Variants in ARSF observed in about 807,000 individuals in gnomAD.
ARSF encodes arylsulfatase F.
Under a neutral mutation model 35.4 loss-of-function variants are expected in ARSF, and 33 were observed. The observed-to-expected ratio is 0.93, with a 90% confidence interval of 0.71 to 1.25. The LOEUF (loss-of-function observed/expected upper bound fraction) is 1.25. Among genes scored for constraint, ARSF ranks in the 50% most tolerant of loss-of-function variants. ARSF has a pLI of 0.00. For missense variants in ARSF, 501 were observed against 480.2 expected (o/e 1.04, Z -0.40); for synonymous variants, 222 against 193.1 (o/e 1.15, Z -1.24).
At chrX:3,106,121 A>G (rs2090409531) in intron 9 of ARSF, among the ~76,000 whole-genome samples, 2 of 112,192 alleles carry the variant, frequency 1.8e-5, no homozygotes, top group African/African-American at 6.5e-5. Flanking sequence ...GATAAGATGT[A>G]TAGTACAGCT....
chrX:3,111,664 C>T (rs1333596268), intron 10 of ARSF, among the ~76,000 whole-genome samples: 1 of 110,456 alleles, frequency 9.1e-6, no homozygotes, highest in Non-Finnish European at 1.9e-5. Context: ...GATTCAAATG[C>T]ATGACATTTA....
At chrX:3,063,028 T>G (rs994115565) in intron 1 of ARSF, among the ~76,000 whole-genome samples, 2 of 111,987 alleles carry the variant, frequency 1.8e-5, no homozygotes, top group African/African-American at 6.5e-5. Context: ...TCAATATCCC[T>G]GATGAACATC....
At position 3,060,009 on chromosome X, in the gene ARSF, T is replaced by C. The variant is rs745579295; in HGVS notation, c.-28-8064T>C. On this transcript the variant is annotated intron_variant, in intron 1 of 10. Coordinates refer to ENST00000381127, the MANE Select transcript of ARSF (RefSeq NM_001201539.2). Reference sequence around the variant, plus strand: ...CTCAAGTGGGTCCCTGACCCCCTTGTAGCCTAACTGGGAGACACCTCCCAG... The same window carrying C: ...CTCAAGTGGGTCCCTGACCCCCTTGCAGCCTAACTGGGAGACACCTCCCAG... 6.1e-4 allele frequency among the ~76,000 whole-genome samples: 69 copies of C among 112,197 alleles called. 2 individuals carry two copies. Among genetic ancestry groups the C allele is most frequent in the African/African-American group, 2.2e-3 (67 of 30,973 alleles).
intron 9 of ARSF, among the ~76,000 whole-genome samples, chrX:3,106,520 T>A (rs1403150015): frequency 8.9e-6 from 1 of 111,780 alleles, no homozygotes; most frequent in Non-Finnish European, 1.9e-5. Context: ...CTCTCTCCTG[T>A]CTGCTTCAAT....
chrX:3,062,449 G>A (rs1424346800), intron 1 of ARSF, among the ~76,000 whole-genome samples: 2 of 111,393 alleles, frequency 1.8e-5, no homozygotes, highest in African/African-American at 6.5e-5. Flanking sequence ...AAATAACTAA[G>A]ATCAGGGCAG....
At chrX:3,111,489 A>T (rs926213514) in intron 10 of ARSF, among the ~76,000 whole-genome samples, 1 of 111,165 alleles carries the variant, frequency 9.0e-6, no homozygotes, top group Non-Finnish European at 1.9e-5. Context: ...TGTTGGGAAC[A>T]TTGAATATCC....
At chrX:3,089,676 T>C in intron 7 of ARSF, 44 bp downstream of exon 7, 1 of 1,195,144 alleles carries the variant, frequency 8.4e-7, no homozygotes, top group Non-Finnish European at 1.1e-6. Context: ...CGTGTTCTGA[T>C]AGGACAGGAC....
At chrX:3,053,310 T>G (rs758757583) in intron 1 of ARSF, among the ~76,000 whole-genome samples, 1 of 109,151 alleles carries the variant, frequency 9.2e-6, no homozygotes, top group African/African-American at 3.3e-5. Context: ...TCAGCAGGTG[T>G]GAATGCTGTA....
At chrX:3,055,585 C>A (rs943701527) in intron 1 of ARSF, among the ~76,000 whole-genome samples, 2 of 111,115 alleles carry the variant, frequency 1.8e-5, no homozygotes, top group East Asian at 5.7e-4. Context: ...ATGGTACTAG[C>A]CGTCATAGCA....
intron 3 of ARSF, among the ~76,000 whole-genome samples, chrX:3,076,283 C>G (rs2090148791): frequency 9.2e-6 from 1 of 109,046 alleles, no homozygotes; most frequent in Non-Finnish European, 1.9e-5. Flanking sequence ...CTTTTCATCT[C>G]TCTCTTTCTG....
intron 5 of ARSF, among the ~76,000 whole-genome samples, chrX:3,081,659 A>G (rs918252013): frequency 9.0e-6 from 1 of 111,419 alleles, no homozygotes; most frequent in Non-Finnish European, 1.9e-5. Flanking sequence ...CAGCTCAGTG[A>G]TAGGAGATGT....
intron 7 of ARSF, among the ~76,000 whole-genome samples, chrX:3,099,693 A>G (rs1189944775): frequency 9.0e-6 from 1 of 111,489 alleles, no homozygotes; most frequent in Non-Finnish European, 1.9e-5. Flanking sequence ...ATAATTTGAG[A>G]TTTTTAACTA....
intron 1 of ARSF, among the ~76,000 whole-genome samples, chrX:3,055,380 C>T (rs2090014164): frequency 9.4e-6 from 1 of 106,859 alleles, no homozygotes; most frequent in Non-Finnish European, 1.9e-5. Context: ...ATATTGTCCC[C>T]AATTCCTACT....
At chrX:3,076,693 T>C in intron 4 of ARSF, 24 bp downstream of exon 4, 1 of 1,205,878 alleles carries the variant, frequency 8.3e-7, no homozygotes, top group African/African-American at 1.7e-5. Flanking sequence ...CGGGCTCTGC[T>C]GGGCTCTGCC....
intron 1 of ARSF, among the ~76,000 whole-genome samples, chrX:3,054,088 A>G (rs1238374763): frequency 3.6e-5 from 4 of 110,894 alleles, no homozygotes; most frequent in African/African-American, 1.3e-4. Context: ...TTTCGGAGAC[A>G]CACTGTAGTT....
chrX:3,042,007 C>CTG (rs2147469262), intron 1 of ARSF, among the ~76,000 whole-genome samples: 1 of 112,180 alleles, frequency 8.9e-6, no homozygotes, highest in South Asian at 3.7e-4. Context: ...TTCATATTTA[C>CTG]CTCTGACAGA....
rs542017955 is a variant in ARSF at position 3,084,735 on chromosome X, T to G, written c.830+69T>G. On this transcript the variant is annotated intron_variant, in intron 6 of 10. Coordinates refer to ENST00000381127, the MANE Select transcript of ARSF (RefSeq NM_001201539.2). ...TCTTTTTTAAAAGGACCTAGATAGA[T>G]CTGTAGGGTGATTGTAGTTTATAAT... The G allele has an allele frequency of 6.1e-6, 6 of 990,779 alleles. No individual in the cohort carries two copies. The South Asian group carries it at 1.5e-4, about 25-fold the overall frequency. 81.7% of individuals were successfully genotyped at this position (990,779 alleles called of 1,213,427 possible).
chrX:3,080,875 T>C lies in ARSF; in HGVS notation c.284-16T>C, dbSNP rs2090195888. 11 of 1,209,016 alleles carry C rather than the reference T, an allele frequency of 9.1e-6. No individual in the cohort carries two copies. Among genetic ancestry groups the C allele is most frequent in the Non-Finnish European group, 1.2e-5 (11 of 894,516 alleles). On this transcript the variant is annotated splice_polypyrimidine_tract_variant and intron_variant, in intron 4 of 10. Transcript: ENST00000381127. ...GCAACACCTACTCATTGTACTTTTT[T>C]CCACACTACATCTAGGTATGGTTTC...
At chrX:3,078,792 G>A (rs995022587) in intron 4 of ARSF, among the ~76,000 whole-genome samples, 1 of 111,491 alleles carries the variant, frequency 9.0e-6, no homozygotes, top group Non-Finnish European at 1.9e-5. Flanking sequence ...GAGCCACCGT[G>A]CCTGGCCAAA....
Sources: gnomAD v4.1 joint callset for allele counts (sites outside exome capture counted in the v4.1 genomes callset) on GRCh38, gnomAD v4.1.1 for gene constraint, MANE v1.5 for transcripts, NCBI Gene and HGNC (gene_info 2026-07-23, HGNC 2026-07-21) for gene names.